Variants in TMEM108 observed in about 807,000 individuals in gnomAD.
TMEM108 encodes the protein cancer/testis antigen 124.
A neutral mutation model predicts 35.1 loss-of-function variants in TMEM108; 12 were observed. The ratio of observed to expected loss-of-function variants is 0.34; its 90% CI spans 0.22 to 0.55. TMEM108 has a LOEUF of 0.55. Among genes scored for constraint, TMEM108 ranks in the 20% least tolerant of loss-of-function variants. The probability of loss-of-function intolerance (pLI) is 0.89; values close to 1 mark genes in which losing one functional copy is unlikely to be tolerated. For missense variants in TMEM108, 680 were observed against 753.3 expected (o/e 0.90, Z 1.14); for synonymous variants, 287 against 308.6 (o/e 0.93, Z 0.73).
intron 2 of TMEM108, among the ~76,000 whole-genome samples, chr3:133,172,862 G>A (rs773326110): frequency 6.6e-6 from 1 of 152,160 alleles, no homozygotes; most frequent in Non-Finnish European, 1.5e-5. Flanking sequence ...TGCTGTTCTT[G>A]TGATAGTAAA....
intron 3 of TMEM108, among the ~76,000 whole-genome samples, chr3:133,231,469 T>C (rs551335666): frequency 1.3e-5 from 2 of 152,274 alleles, no homozygotes; most frequent in Admixed American, 1.3e-4. Flanking sequence ...TCATCTCACA[T>C]GGAAAGTTTG....
At chr3:133,184,012 G>A (rs1945385084) in intron 2 of TMEM108, among the ~76,000 whole-genome samples, 1 of 152,172 alleles carries the variant, frequency 6.6e-6, no homozygotes, top group African/African-American at 2.4e-5. Context: ...CATTACTGCA[G>A]GCCAGTGGAT....
At chr3:133,390,061 G>GCCCCTTTT in intron 4 of TMEM108, 119 bp from the exon 5 acceptor site, 1 of 1,226,728 alleles carries the variant, frequency 8.2e-7, no homozygotes, top group Non-Finnish European at 1.2e-6. Context: ...ACCATGCCCT[G>GCCCCTTTT]CCCCTTTTCC....
Position 133,302,415 on chromosome 3 carries a change from C to CTTTTT in TMEM108, c.40+73083_40+73087dup, listed in dbSNP as rs927704510. ...TCTTGAATTTTCTTTTTCTTTCTTT[C>CTTTTT]TTTTTTTTTTTTTTTTTTTTTTTGA... On this transcript the variant is annotated intron_variant, in intron 3 of 5. Coordinates refer to ENST00000321871, the MANE Select transcript of TMEM108 (RefSeq NM_023943.4). Among the ~76,000 whole-genome samples, 326 of 110,078 alleles carry CTTTTT rather than the reference C, an allele frequency of 3.0e-3. 1 individual carries two copies. The highest frequency in any genetic ancestry group is 7.4e-3 in the East Asian group (24 of 3,234). 72.2% of individuals were successfully genotyped at this position (110,078 alleles called of 152,430 possible).
intron 2 of TMEM108, among the ~76,000 whole-genome samples, chr3:133,210,909 G>A (rs775011655): frequency 3.3e-5 from 5 of 152,102 alleles, no homozygotes; most frequent in Non-Finnish European, 5.9e-5. Flanking sequence ...TGACATAAAT[G>A]ATGTATTTTG....
At chr3:133,357,016 A>G (rs765754403) in intron 3 of TMEM108, among the ~76,000 whole-genome samples, 2 of 152,230 alleles carry the variant, frequency 1.3e-5, no homozygotes, top group Non-Finnish European at 2.9e-5. Context: ...CAGTGTAAAC[A>G]GACAGTATTT....
intron 2 of TMEM108, among the ~76,000 whole-genome samples, chr3:133,167,227 G>A (rs1188933553): frequency 6.6e-6 from 1 of 152,102 alleles, no homozygotes; most frequent in Non-Finnish European, 1.5e-5. Context: ...AACTTGAGCT[G>A]GACACAGAGT....
intron 2 of TMEM108, among the ~76,000 whole-genome samples, chr3:133,074,959 T>C (rs1312420147): frequency 3.3e-5 from 5 of 151,958 alleles, no homozygotes; most frequent in Admixed American, 3.3e-4. Flanking sequence ...TTGAGTATAT[T>C]ATAAAATATG....
chr3:133,106,339 G>A (rs1466521719), intron 2 of TMEM108, among the ~76,000 whole-genome samples: 1 of 152,096 alleles, frequency 6.6e-6, no homozygotes, highest in African/African-American at 2.4e-5. Context: ...AGATGTGGGA[G>A]CTAAGCCTGA....
At chr3:133,123,807 C>G (rs1483521819) in intron 2 of TMEM108, among the ~76,000 whole-genome samples, 1 of 152,190 alleles carries the variant, frequency 6.6e-6, no homozygotes, top group East Asian at 1.9e-4. Context: ...ACTTTCAGTT[C>G]TGTTGTCGGC....
intron 3 of TMEM108, among the ~76,000 whole-genome samples, chr3:133,369,472 A>C (rs1036721341): frequency 1.3e-5 from 2 of 152,152 alleles, no homozygotes; most frequent in African/African-American, 4.8e-5. Flanking sequence ...TTGGTCAAGA[A>C]AGTAGTGGCT....
intron 1 of TMEM108, among the ~76,000 whole-genome samples, chr3:133,042,627 T>G (rs1943288675): frequency 6.6e-6 from 1 of 152,178 alleles, no homozygotes; most frequent in African/African-American, 2.4e-5. Flanking sequence ...TAATGTTTCC[T>G]CCCAGAAAAG....
At chr3:133,365,556 C>T (rs1039455947) in intron 3 of TMEM108, among the ~76,000 whole-genome samples, 2 of 152,128 alleles carry the variant, frequency 1.3e-5, no homozygotes, top group African/African-American at 2.4e-5. Flanking sequence ...CTCTTACTCC[C>T]GCTCTCTAGG....
At chr3:133,160,602 G>A (rs371298864) in intron 2 of TMEM108, among the ~76,000 whole-genome samples, 1 of 152,210 alleles carries the variant, frequency 6.6e-6, no homozygotes, top group Non-Finnish European at 1.5e-5. Flanking sequence ...ACTTTCAAAT[G>A]CTTTCCATTT....
chr3:133,098,403 G>C (rs1047370752), intron 2 of TMEM108, among the ~76,000 whole-genome samples: 1 of 152,116 alleles, frequency 6.6e-6, no homozygotes. Flanking sequence ...TTCAGATGTG[G>C]GTGGGGACAC....
intron 3 of TMEM108, among the ~76,000 whole-genome samples, chr3:133,335,598 T>G (rs2071478488): frequency 6.6e-6 from 1 of 152,180 alleles, no homozygotes; most frequent in Admixed American, 6.5e-5. Flanking sequence ...GAATCAAAAT[T>G]AAATAAGATT....
intron 2 of TMEM108, among the ~76,000 whole-genome samples, chr3:133,089,378 G>T (rs1943921033): frequency 6.6e-6 from 1 of 152,110 alleles, no homozygotes; most frequent in Non-Finnish European, 1.5e-5. Context: ...AGCATATTGA[G>T]TTTTTTATTA....
chr3:133,214,023 A>G (rs1945870462), intron 2 of TMEM108, among the ~76,000 whole-genome samples: 1 of 152,076 alleles, frequency 6.6e-6, no homozygotes, highest in South Asian at 2.1e-4. Flanking sequence ...GGCTTCGGGG[A>G]ATCACAATTA....
intron 2 of TMEM108, among the ~76,000 whole-genome samples, chr3:133,068,912 G>A (rs1472336276): frequency 6.6e-6 from 1 of 152,134 alleles, no homozygotes; most frequent in African/African-American, 2.4e-5. Context: ...GCTTCCTGGG[G>A]CAGCTGTGAG....
Sources: allele counts gnomAD v4.1 joint callset (sites outside exome capture counted in the v4.1 genomes callset), GRCh38; gene constraint gnomAD v4.1.1; transcripts MANE v1.5; gene names NCBI Gene and HGNC (gene_info 2026-07-23, HGNC 2026-07-21).